Variants in PAPSS2 observed in about 807,000 individuals in gnomAD.
The protein encoded by PAPSS2 is bifunctional 3'-phosphoadenosine 5'-phosphosulfate synthase 2.
A neutral mutation model predicts 66.5 loss-of-function variants in PAPSS2; 61 were observed. The observed-to-expected ratio is 0.92, with a 90% CI of 0.75 to 1.14. The LOEUF (loss-of-function observed/expected upper bound fraction) is 1.14, where lower values mean the gene tolerates loss of function less well. PAPSS2 is among the 50% of genes most tolerant of loss of function. The pLI is 0.00. For synonymous variants in PAPSS2, 289 were observed against 287.5 expected (o/e 1.01, Z -0.05); for missense variants, 708 against 789.6 (o/e 0.90, Z 1.24).
chr10:87,709,301 G>C lies in PAPSS2; in HGVS notation c.133G>C (p.Val45Leu), dbSNP rs142362349. The change falls in exon 2 of 13, where the codon GTG (valine) becomes CTG (leucine). Residue 45 changes from valine to leucine, a missense_variant. Physicochemically the swap from Val to Leu is conservative, Grantham distance 32 (BLOSUM62 1). Coordinates refer to ENST00000456849, the MANE Select transcript of PAPSS2 (RefSeq NM_001015880.2). ...GTRGGFRGCT[V>L]WLTGLSGAGK... ...AAGGGGTGGGTTCCGAGGATGTACCGTGTGGCTAACAGGTATGTCATGTTC... is the reference window on the plus strand; with the variant it reads ...AAGGGGTGGGTTCCGAGGATGTACCCTGTGGCTAACAGGTATGTCATGTTC... The C allele has an allele frequency of 6.3e-7, 1 of 1,590,484 alleles. No individual in the cohort carries two copies. The highest frequency in any genetic ancestry group is 1.1e-5 in the South Asian group (1 of 90,402).
chr10:87,679,592 A>T (rs1192370989), intron 1 of PAPSS2, among the ~76,000 whole-genome samples: 2 of 152,246 alleles, frequency 1.3e-5, no homozygotes, highest in Non-Finnish European at 2.9e-5. Context: ...CAAATATTTT[A>T]AAAATTACAT....
chr10:87,709,680 A>T (rs998867475), intron 2 of PAPSS2, among the ~76,000 whole-genome samples: 7 of 152,226 alleles, frequency 4.6e-5, no homozygotes. Context: ...AGGCTTTCCT[A>T]ATTTGACATC....
chr10:87,733,425 T>G (rs994305402), intron 9 of PAPSS2, among the ~76,000 whole-genome samples: 1 of 152,214 alleles, frequency 6.6e-6, no homozygotes, highest in East Asian at 1.9e-4. Flanking sequence ...TAGTAATTAT[T>G]TTTCACAATG....
chr10:87,698,576 C>T (rs1051959534), intron 1 of PAPSS2, among the ~76,000 whole-genome samples: 39 of 152,188 alleles, frequency 2.6e-4, no homozygotes, highest in East Asian at 1.2e-3. Context: ...TGGAGGCTTC[C>T]GAGAGGCATT....
chr10:87,673,683 G>A (rs2131898457), intron 1 of PAPSS2, among the ~76,000 whole-genome samples: 1 of 129,856 alleles, frequency 7.7e-6, no homozygotes, highest in South Asian at 2.5e-4. Context: ...GTGAATTTTT[G>A]GCTTACTTTT....
rs1058801 is a variant in PAPSS2 at position 87,746,116 on chromosome 10, A to T, written c.*146A>T. On this transcript the variant is annotated 3_prime_UTR_variant, in exon 13 of 13. Transcript: ENST00000456849. ...AAAGTTGTGTCTATAATTAAAAAAAAATATATATATATACACACACACATA... is the reference window on the plus strand; with the variant it reads ...AAAGTTGTGTCTATAATTAAAAAAATATATATATATATACACACACACATA... 0.49 allele frequency: 290,812 copies of T among 592,918 alleles called. 68,750 individuals are homozygous for T. The highest frequency in any genetic ancestry group is 0.55 in the South Asian group (24,919 of 45,444). The allele number at this position is 592,918 out of a possible 1,614,324, so 36.7% of individuals were successfully genotyped here.
At chr10:87,714,227 A>C in intron 4 of PAPSS2, 45 bp downstream of exon 4, 2 of 1,592,250 alleles carry the variant, frequency 1.3e-6, no homozygotes, top group Admixed American at 1.7e-5. Flanking sequence ...ATAGGCTGTC[A>C]GTCCTCAGTC....
intron 2 of PAPSS2, among the ~76,000 whole-genome samples, chr10:87,711,970 TG>T (rs1853467713): frequency 6.6e-6 from 1 of 151,804 alleles, no homozygotes; most frequent in Admixed American, 6.6e-5. Flanking sequence ...TTTTTTAGAG[TG>T]CTAGCCTTTA....
intron 8 of PAPSS2, among the ~76,000 whole-genome samples, chr10:87,726,748 C>T (rs1783834205): frequency 1.3e-5 from 2 of 152,188 alleles, no homozygotes; most frequent in South Asian, 4.1e-4. Context: ...TGCATATTCT[C>T]ATTCCCATAG....
chr10:87,660,341 C>A, intron 1 of PAPSS2: 1 of 501,914 alleles, frequency 2.0e-6, no homozygotes, highest in Non-Finnish European at 3.6e-6. Flanking sequence ...CCCAAGAGCT[C>A]TTCCAGACCC....
chr10:87,731,994 A>G (rs1302310827), intron 9 of PAPSS2, among the ~76,000 whole-genome samples: 1 of 152,246 alleles, frequency 6.6e-6, no homozygotes, highest in African/African-American at 2.4e-5. Context: ...AAGTTCTACC[A>G]TGCGTAAAAT....
intron 2 of PAPSS2, among the ~76,000 whole-genome samples, chr10:87,711,746 C>A (rs980428355): frequency 6.6e-6 from 1 of 152,108 alleles, no homozygotes; most frequent in East Asian, 1.9e-4. Flanking sequence ...TCACCTTCCC[C>A]CCCACCCAAA....
chr10:87,709,055 T>A (rs1853430764), intron 1 of PAPSS2, 141 bp from the exon 2 acceptor site: 1 of 580,116 alleles, frequency 1.7e-6, no homozygotes, highest in Admixed American at 2.6e-5. Context: ...CAAAGGTGAG[T>A]CTCTTTCAAA....
intron 9 of PAPSS2, among the ~76,000 whole-genome samples, chr10:87,730,481 C>G (rs1853715457): frequency 6.6e-6 from 1 of 152,080 alleles, no homozygotes; most frequent in African/African-American, 2.4e-5. Context: ...TCTTTCAGAC[C>G]TTTAAATGTG....
chr10:87,701,244 C>T (rs11202519), intron 1 of PAPSS2, among the ~76,000 whole-genome samples: 2 of 131,082 alleles, frequency 1.5e-5, no homozygotes, highest in African/African-American at 2.8e-5. Context: ...TTTCTTTTTT[C>T]TTTTTTCTTT....
At chr10:87,707,564 CTT>C (rs747152482) in intron 1 of PAPSS2, among the ~76,000 whole-genome samples, 3,537 of 93,798 alleles carry the variant, frequency 0.038, 65 homozygotes, top group African/African-American at 0.14. Flanking sequence ...TCTTTTTTTT[CTT>C]TTTTTTTTTT....
intron 1 of PAPSS2, among the ~76,000 whole-genome samples, chr10:87,698,270 T>TATG (rs1853260367): frequency 6.6e-6 from 1 of 152,216 alleles, no homozygotes; most frequent in Admixed American, 6.5e-5. Flanking sequence ...AGCATTAACC[T>TATG]ATGCAACATA....
rs794727710 is a variant in PAPSS2, at chr10:87,714,864, G to A, written c.639+1G>A. 1 of 1,572,870 alleles carries A rather than the reference G, an allele frequency of 6.4e-7. No individual in the cohort carries two copies. Among genetic ancestry groups the A allele is most frequent in the Non-Finnish European group, 8.8e-7 (1 of 1,142,450 alleles). On this transcript the variant is annotated splice_donor_variant, in intron 5 of 12. Transcript: ENST00000456849. LOFTEE classifies it high-confidence loss of function. ...GGTAGTGGAACTTCTGCAAGAGCAG[G>A]TAGGTGAACCGGTTGTCTTTTTTTA... is the stretch of plus-strand genomic sequence containing the variant.
intron 1 of PAPSS2, among the ~76,000 whole-genome samples, chr10:87,701,323 C>CTTT (rs1853305547): frequency 1.2e-4 from 10 of 84,200 alleles, no homozygotes; most frequent in Admixed American, 4.1e-4. Flanking sequence ...TTCCTTCCTT[C>CTTT]CTTCCTTTCT....
Sources: allele counts gnomAD v4.1 joint callset (sites outside exome capture counted in the v4.1 genomes callset), GRCh38; gene constraint gnomAD v4.1.1; transcripts MANE v1.5; gene names NCBI Gene and HGNC (gene_info 2026-07-23, HGNC 2026-07-21).